The following VSTM4 variants were observed in gnomAD, a reference collection of about 807,000 sequenced individuals.
The protein encoded by VSTM4 is V-set and transmembrane domain-containing protein 4.
A neutral mutation model predicts 36.4 loss-of-function variants in VSTM4; 20 were observed. That is an observed-to-expected ratio of 0.55 (90% confidence interval 0.39 to 0.80). VSTM4 has a LOEUF of 0.80. Among genes scored for constraint, VSTM4 ranks in the 30% least tolerant of loss-of-function variants. The pLI is 0.00. For missense variants in VSTM4, 392 were observed against 404.5 expected, an observed-to-expected ratio of 0.97 and a Z score of 0.26; for synonymous variants, 182 against 173.9, an observed-to-expected ratio of 1.05 and a Z score of -0.37.
At chr10:49,078,298 T>C (rs1312622628) in intron 3 of VSTM4, among the ~76,000 whole-genome samples, 2 of 152,214 alleles carry the variant, frequency 1.3e-5, no homozygotes, top group African/African-American at 2.4e-5. Context: ...GCCCAGAAAT[T>C]GCATTCCTTG....
chr10:49,066,383 C>T (rs1034472043), intron 4 of VSTM4, among the ~76,000 whole-genome samples: 3 of 152,192 alleles, frequency 2.0e-5, no homozygotes, highest in African/African-American at 7.2e-5. Context: ...TAATACTTTG[C>T]TTTCAACAAG....
chr10:49,046,943 G>T, intron 7 of VSTM4, 40 bp downstream of exon 7: 2 of 1,591,046 alleles, frequency 1.3e-6, no homozygotes, highest in Non-Finnish European at 1.7e-6. Context: ...TTGTGTCTGA[G>T]GCTTAAGGTA....
rs1247809843 is a variant in VSTM4 at position 49,112,850 on chromosome 10, C to G, written c.55+2581G>C. The stretch of plus-strand genomic sequence containing the variant: ...GGATAAAAGTTAAGGTGTCTAACCC[C>G]CTTGCTTATATTTGAATAATGTCAT... On this transcript the variant is annotated intron_variant, in intron 1 of 7. Transcript: ENST00000332853. Among the ~76,000 whole-genome samples, 3 of 152,220 alleles carry G rather than the reference C, an allele frequency of 2.0e-5. No individual in the cohort carries two copies. The East Asian group carries it at 5.8e-4, about 29-fold the overall frequency.
chr10:49,082,884 G>T, intron 3 of VSTM4, among the ~76,000 whole-genome samples: 1 of 152,256 alleles, frequency 6.6e-6, no homozygotes, highest in Non-Finnish European at 1.5e-5. Context: ...AGGGCTGGCA[G>T]GCTGGAGCAG....
At chr10:49,115,410 G>C (rs1371314400) in intron 1 of VSTM4, 21 bp downstream of exon 1, 338 of 1,020,862 alleles carry the variant, frequency 3.3e-4, no homozygotes, top group Non-Finnish European at 3.4e-4. Context: ...TCCCGCTCCC[G>C]CCTGGCCCCG....
At chr10:49,112,603 T>G (rs956021373) in intron 1 of VSTM4, among the ~76,000 whole-genome samples, 1 of 152,344 alleles carries the variant, frequency 6.6e-6, no homozygotes, top group South Asian at 2.1e-4. Flanking sequence ...GAAAGTGACA[T>G]GCACACTGTC....
intron 4 of VSTM4, 29 bp downstream of exon 4, chr10:49,077,190 C>A: frequency 6.2e-7 from 1 of 1,610,002 alleles, no homozygotes; most frequent in Non-Finnish European, 8.5e-7. Flanking sequence ...GTGCTCCCAT[C>A]CCAGACATGA....
At chr10:49,100,010 C>T (rs989084584) in intron 2 of VSTM4, among the ~76,000 whole-genome samples, 20 of 150,304 alleles carry the variant, frequency 1.3e-4, no homozygotes, top group Non-Finnish European at 1.8e-4. Context: ...AGCCAGACTC[C>T]GTGAAAAAGG....
At position 49,103,605 on chromosome 10, in the gene VSTM4, T is replaced by C; in HGVS notation, c.457+3989A>G. On this transcript the variant is annotated intron_variant, in intron 2 of 7. Transcript: ENST00000332853. ...CTATGGCTCTTCTCAGAACTGGGAG[T>C]TATTTTTTAAATATATCATCGCAAG... 3.4e-6 allele frequency: 5 copies of C among 1,460,070 alleles called. No individual in the cohort carries two copies. The Middle Eastern group carries it at 6.9e-4, about 202-fold the overall frequency. The allele number at this position is 1,460,070 out of a possible 1,614,324, so 90.4% of individuals were successfully genotyped here.
chr10:49,071,748 G>A (rs1844083557), intron 4 of VSTM4, among the ~76,000 whole-genome samples: 1 of 152,216 alleles, frequency 6.6e-6, no homozygotes, highest in African/African-American at 2.4e-5. Context: ...CTGGAGAGCA[G>A]GTGCCGGGCT....
intron 7 of VSTM4, among the ~76,000 whole-genome samples, chr10:49,029,540 C>A (rs1843313476): frequency 6.6e-6 from 1 of 152,186 alleles, no homozygotes; most frequent in Non-Finnish European, 1.5e-5. Flanking sequence ...GTCAGTCCTT[C>A]CCAGATGCTC....
At chr10:49,024,597 T>C (rs887551738) in intron 7 of VSTM4, among the ~76,000 whole-genome samples, 3 of 152,156 alleles carry the variant, frequency 2.0e-5, no homozygotes, top group Non-Finnish European at 2.9e-5. Flanking sequence ...TCAGAGATAA[T>C]ACCTACTTTG....
chr10:49,030,531 C>G (rs1843329703), intron 7 of VSTM4, among the ~76,000 whole-genome samples: 2 of 152,222 alleles, frequency 1.3e-5, no homozygotes, highest in South Asian at 4.1e-4. Context: ...CCAGCATGCT[C>G]TAGGACAGTG....
chr10:49,048,717 T>C, intron 5 of VSTM4, 133 bp from the exon 6 acceptor site: 2 of 687,514 alleles, frequency 2.9e-6, no homozygotes, highest in Non-Finnish European at 4.7e-6. Context: ...AAGGTTATCA[T>C]ATGGGTAGAC....
At chr10:49,068,204 G>A (rs560446852) in intron 4 of VSTM4, among the ~76,000 whole-genome samples, 1 of 152,174 alleles carries the variant, frequency 6.6e-6, no homozygotes, top group South Asian at 2.1e-4. Flanking sequence ...TGCAGGTGGG[G>A]AAATAGAGTC....
At chr10:49,066,404 T>C (rs1392621098) in intron 4 of VSTM4, among the ~76,000 whole-genome samples, 4 of 152,260 alleles carry the variant, frequency 2.6e-5, no homozygotes, top group African/African-American at 9.6e-5. Flanking sequence ...GATTGAATAA[T>C]GACCTAATCC....
intron 2 of VSTM4, among the ~76,000 whole-genome samples, chr10:49,091,750 G>T: frequency 6.6e-6 from 1 of 152,196 alleles, no homozygotes; most frequent in Non-Finnish European, 1.5e-5. Context: ...CTCACCCACG[G>T]AAGTGATGGC....
chr10:49,054,796 G>A (rs1843750646), intron 5 of VSTM4, among the ~76,000 whole-genome samples: 1 of 152,170 alleles, frequency 6.6e-6, no homozygotes, highest in African/African-American at 2.4e-5. Flanking sequence ...CCTCACCCCT[G>A]CCTTTAATGT....
At chr10:49,075,795 C>T (rs1844166227) in intron 4 of VSTM4, among the ~76,000 whole-genome samples, 2 of 152,248 alleles carry the variant, frequency 1.3e-5, no homozygotes, top group South Asian at 2.1e-4. Flanking sequence ...GCCTGCTCAG[C>T]CCTGGAGGCA....
Sources: allele counts gnomAD v4.1 joint callset (sites outside exome capture counted in the v4.1 genomes callset), GRCh38; gene constraint gnomAD v4.1.1; transcripts MANE v1.5; gene names NCBI Gene and HGNC (gene_info 2026-07-23, HGNC 2026-07-21).